The following DLGAP2 variants were observed in gnomAD, a reference collection of about 807,000 sequenced individuals.
The protein encoded by DLGAP2 is disks large-associated protein 2.
Under a neutral mutation model 100.3 loss-of-function variants are expected in DLGAP2, and 26 were observed. That is an observed-to-expected ratio of 0.26 (90% CI 0.19 to 0.36). The LOEUF (loss-of-function observed/expected upper bound fraction) is 0.36, where lower values mean the gene tolerates loss of function less well. DLGAP2 is among the 10% of genes least tolerant of loss of function. DLGAP2 has a pLI of 1.00. For synonymous variants in DLGAP2, 886 were observed against 630.1 expected (o/e 1.41, Z -6.08); for missense variants, 1,858 against 1,453.2 (o/e 1.28, Z -4.53).
chr8:1,151,419 C>T (rs914134201), intron 2 of DLGAP2, among the ~76,000 whole-genome samples: 1 of 152,188 alleles, frequency 6.6e-6, no homozygotes, highest in East Asian at 1.9e-4. Context: ...AGTCACTGTA[C>T]AGAGGAAAAG....
At chr8:1,605,045 G>A (rs1029262976) in intron 6 of DLGAP2, among the ~76,000 whole-genome samples, 2 of 152,168 alleles carry the variant, frequency 1.3e-5, no homozygotes, top group African/African-American at 4.8e-5. Context: ...GCCAGGCGGG[G>A]CACACCACCC....
At chr8:765,339 G>A (rs1263331576) in intron 1 of DLGAP2, among the ~76,000 whole-genome samples, 1 of 152,114 alleles carries the variant, frequency 6.6e-6, no homozygotes, top group Non-Finnish European at 1.5e-5. Context: ...TTTCTTTAGT[G>A]TGCAGGTAGT....
chr8:1,421,729 G>A (rs1365006343), intron 3 of DLGAP2, among the ~76,000 whole-genome samples: 1 of 152,186 alleles, frequency 6.6e-6, no homozygotes, highest in African/African-American at 2.4e-5. Flanking sequence ...ACTTTGGGAG[G>A]CTGAGGTGGG....
rs141175078 is a variant in DLGAP2, at chr8:1,269,560, A to G, written c.106+10677A>G. Among the ~76,000 whole-genome samples the G allele has an allele frequency of 8.9e-4, 136 of 152,270 alleles. 2 individuals carry two copies. In the East Asian group the frequency reaches 0.02, roughly 23 times the overall value. ...AAACCCCGTATTATTGTGGCTGTGA[A>G]TCCCTAATTGTGCTCTCCTCTCTGA... On this transcript the variant is annotated intron_variant, in intron 3 of 14. Coordinates refer to ENST00000637795, the MANE Select transcript of DLGAP2 (RefSeq NM_001346810.2).
chr8:1,140,355 A>T (rs1198222358), intron 2 of DLGAP2, among the ~76,000 whole-genome samples: 1 of 124,588 alleles, frequency 8.0e-6, no homozygotes, highest in Non-Finnish European at 1.8e-5. Flanking sequence ...AGAACAGGGC[A>T]CACACACCTG....
At chr8:1,234,677 A>C (rs1486914893) in intron 2 of DLGAP2, among the ~76,000 whole-genome samples, 1 of 152,192 alleles carries the variant, frequency 6.6e-6, no homozygotes, top group African/African-American at 2.4e-5. Flanking sequence ...GAGGCTTAAA[A>C]TTATGTCCCA....
Position 1,257,136 on chromosome 8 carries a change from G to A in DLGAP2, c.74-1715G>A, listed in dbSNP as rs529114790. Among the ~76,000 whole-genome samples, 7 of 152,278 alleles carry A rather than the reference G, an allele frequency of 4.6e-5. No homozygotes were observed. In the South Asian group the frequency reaches 1.0e-3, roughly 23 times the overall value. On this transcript the variant is annotated intron_variant, in intron 2 of 14. Transcript: ENST00000637795. ...GGTCTGTCTCCCCGAAGTCGGGAGA[G>A]CTCAGTAGAGCTGTCAGTCACAGTT...
In DLGAP2 at chr8:1,474,367, C is replaced by T. The variant is rs140225948; in HGVS notation, c.107-26999C>T. On this transcript the variant is annotated intron_variant, in intron 3 of 14. Transcript: ENST00000637795. ...CGTGTGTGCAAGTGTCTTTTTCATA[C>T]GACTTCTTTCCCTCTGGGTAGATAC... Among the ~76,000 whole-genome samples, 142 of 152,214 alleles carry T rather than the reference C, an allele frequency of 9.3e-4. 1 individual carries two copies. The East Asian group carries it at 0.01, about 11-fold the overall frequency.
At chr8:1,654,721 G>A (rs914979533) in intron 8 of DLGAP2, among the ~76,000 whole-genome samples, 1 of 152,044 alleles carries the variant, frequency 6.6e-6, no homozygotes, top group African/African-American at 2.4e-5. Context: ...ATTGGATTGG[G>A]AAGGAGCCAA....
intron 3 of DLGAP2, among the ~76,000 whole-genome samples, chr8:1,359,467 A>ACC (rs1206066415): frequency 1.3e-5 from 2 of 152,242 alleles, no homozygotes; most frequent in Non-Finnish European, 1.5e-5. Context: ...GCGTGGGGAC[A>ACC]CGGGTGGTGC....
chr8:1,228,558 A>G (rs1285177730), intron 2 of DLGAP2, among the ~76,000 whole-genome samples: 3 of 152,210 alleles, frequency 2.0e-5, no homozygotes, highest in Non-Finnish European at 4.4e-5. Context: ...CCTCCACAAA[A>G]TAACTAGCAA....
chr8:1,249,947 C>A lies in DLGAP2; in HGVS notation c.74-8904C>A, dbSNP rs571540527. Among the ~76,000 whole-genome samples, 3 of 152,256 alleles carry A rather than the reference C, an allele frequency of 2.0e-5. No homozygotes were observed. The East Asian group carries it at 5.8e-4, about 29-fold the overall frequency. ...CCAGGCTGGAGTGCAGTGGCGTGAT[C>A]TCAGCTCACTGCAACCTCTGCCTCC... On this transcript the variant is annotated intron_variant, in intron 2 of 14. Transcript: ENST00000637795.
intron 2 of DLGAP2, among the ~76,000 whole-genome samples, chr8:1,213,511 T>G (rs753216887): frequency 1.3e-5 from 2 of 152,176 alleles, no homozygotes; most frequent in African/African-American, 2.4e-5. Context: ...TTCCTGACTT[T>G]ATATCACCCG....
intron 1 of DLGAP2, among the ~76,000 whole-genome samples, chr8:760,755 C>T (rs910965331): frequency 2.0e-5 from 3 of 152,164 alleles, no homozygotes; most frequent in African/African-American, 4.8e-5. Flanking sequence ...CGAGCGCCTC[C>T]GATTGGGAGT....
intron 4 of DLGAP2, among the ~76,000 whole-genome samples, chr8:1,501,680 C>T (rs1168381857): frequency 1.3e-5 from 2 of 152,224 alleles, no homozygotes; most frequent in Admixed American, 6.5e-5. Flanking sequence ...ATAAACGATG[C>T]ATGTCTCCAG....
At chr8:1,162,398 A>G (rs1796910309) in intron 2 of DLGAP2, among the ~76,000 whole-genome samples, 1 of 152,232 alleles carries the variant, frequency 6.6e-6, no homozygotes, top group African/African-American at 2.4e-5. Context: ...AAGAGAAAGA[A>G]TATTGTTTTC....
intron 2 of DLGAP2, among the ~76,000 whole-genome samples, chr8:926,236 C>A (rs990892525): frequency 2.0e-5 from 3 of 152,202 alleles, no homozygotes; most frequent in Admixed American, 6.5e-5. Flanking sequence ...ATGCTCCTGA[C>A]TGCTGACAGC....
At chr8:761,859 G>C (rs1821093840) in intron 1 of DLGAP2, among the ~76,000 whole-genome samples, 1 of 152,262 alleles carries the variant, frequency 6.6e-6, no homozygotes, top group Admixed American at 6.5e-5. Context: ...CTGCGGAGGA[G>C]GCCCTGGAGA....
chr8:1,269,169 G>A lies in DLGAP2; in HGVS notation c.106+10286G>A, dbSNP rs12547164. The stretch of plus-strand genomic sequence containing the variant: ...GCCACCTCTTCTCCGGGCCATGTTC[G>A]TTGCTGCTTCCTTCCCTGCCCTTCT... On this transcript the variant is annotated intron_variant, in intron 3 of 14. Coordinates refer to ENST00000637795, the MANE Select transcript of DLGAP2 (RefSeq NM_001346810.2). Among the ~76,000 whole-genome samples the A allele has an allele frequency of 8.5e-5, 13 of 152,298 alleles. No individual in the cohort carries two copies. The East Asian group carries it at 1.5e-3, about 18-fold the overall frequency.
Sources: allele counts gnomAD v4.1 joint callset (sites outside exome capture counted in the v4.1 genomes callset), GRCh38; gene constraint gnomAD v4.1.1; transcripts MANE v1.5; gene names NCBI Gene and HGNC (gene_info 2026-07-23, HGNC 2026-07-21).